Variants in CAPN8 observed in about 807,000 individuals in gnomAD.
CAPN8 encodes calpain-8.
In CAPN8, 87 loss-of-function variants were observed where a neutral mutation model predicts 80.9. The ratio of observed to expected loss-of-function variants is 1.07; its 90% CI spans 0.90 to 1.28. CAPN8 has a LOEUF of 1.28. Ranked by LOEUF, CAPN8 falls within the 50% of genes most tolerant of loss-of-function variation. The pLI, the probability that CAPN8 is intolerant of heterozygous loss-of-function variation, is 0.00. For missense variants in CAPN8, 757 were observed against 702.0 expected (o/e 1.08, Z -0.89); for synonymous variants, 299 against 273.8 (o/e 1.09, Z -0.91).
At chr1:223,557,037 G>T (rs1656921207) in intron 13 of CAPN8, among the ~76,000 whole-genome samples, 1 of 152,164 alleles carries the variant, frequency 6.6e-6, no homozygotes, top group African/African-American at 2.4e-5. Flanking sequence ...CGAGGCAGGG[G>T]GCGCTATTGA....
At chr1:223,633,759 C>T (rs193123372) in intron 2 of CAPN8, among the ~76,000 whole-genome samples, 3 of 152,290 alleles carry the variant, frequency 2.0e-5, no homozygotes, top group African/African-American at 7.2e-5. Context: ...TCCCTTTACA[C>T]ATTAAAATCA....
intron 14 of CAPN8, among the ~76,000 whole-genome samples, chr1:223,552,382 G>A (rs1386652902): frequency 6.6e-6 from 1 of 152,010 alleles, no homozygotes; most frequent in East Asian, 1.9e-4. Context: ...TGGCCAATAT[G>A]GCGAAACCCT....
intron 15 of CAPN8, chr1:223,549,710 C>T (rs568273724): frequency 2.8e-5 from 13 of 472,138 alleles, no homozygotes; most frequent in African/African-American, 2.3e-4. Context: ...ATGATAGTAA[C>T]AATGACCATA....
chr1:223,609,806 A>G (rs1219720866), intron 11 of CAPN8, among the ~76,000 whole-genome samples: 1 of 152,210 alleles, frequency 6.6e-6, no homozygotes, highest in Admixed American at 6.5e-5. Context: ...CTGCCACAAA[A>G]ACTTGTTCAC....
At chr1:223,634,990 A>G (rs972805687) in intron 2 of CAPN8, among the ~76,000 whole-genome samples, 2 of 152,232 alleles carry the variant, frequency 1.3e-5, no homozygotes, top group South Asian at 2.1e-4. Context: ...TTTCCCTCCC[A>G]CTCATGGTCC....
At chr1:223,543,239 CTGTCTA>C (rs1656519999) in intron 19 of CAPN8, 73 bp from the exon 20 acceptor site, 2 of 1,500,720 alleles carry the variant, frequency 1.3e-6, no homozygotes, top group African/African-American at 2.8e-5. Context: ...AGAGCTGCCT[CTGTCTA>C]CCCCATCCCC....
intron 18 of CAPN8, 69 bp downstream of exon 18, chr1:223,544,703 T>C (rs962004769): frequency 1.3e-6 from 2 of 1,539,454 alleles, no homozygotes; most frequent in Non-Finnish European, 1.8e-6. Flanking sequence ...GCAATCATCA[T>C]CATGAGAATA....
intron 1 of CAPN8, among the ~76,000 whole-genome samples, chr1:223,658,254 C>T (rs1658550447): frequency 6.6e-6 from 1 of 152,288 alleles, no homozygotes; most frequent in Non-Finnish European, 1.5e-5. Flanking sequence ...AGATTCATAT[C>T]TAATAGGCCT....
In CAPN8 at chr1:223,622,863, A is replaced by C. The variant is rs772367673; in HGVS notation, c.851T>G (p.Leu284Arg). 6.4e-7 allele frequency: 1 copy of C among 1,551,636 alleles called. No homozygotes were observed. Among genetic ancestry groups the C allele is most frequent in the Non-Finnish European group, 8.7e-7 (1 of 1,147,008 alleles). Residue 284 changes from leucine to arginine, a missense_variant, in exon 7 of 21, where the codon CTC (leucine) becomes CGC (arginine). Transcript: ENST00000366872. ...FQGHPEKLIR[L>R]RNPWGEVEWS... The stretch of plus-strand genomic sequence containing the variant: ...CTCCACTTCACCCCATGGATTCCTG[A>C]GTCTGATCAGCTTCTCTGGATGGCC...
chr1:223,651,642 G>A (rs138470638), intron 2 of CAPN8, among the ~76,000 whole-genome samples: 44 of 152,296 alleles, frequency 2.9e-4, no homozygotes, highest in Admixed American at 2.5e-3. Context: ...TATGAAGTGC[G>A]AACAAGGAGA....
chr1:223,546,942 C>T (rs912456330), intron 16 of CAPN8, among the ~76,000 whole-genome samples: 1 of 151,338 alleles, frequency 6.6e-6, no homozygotes, highest in Admixed American at 6.6e-5. Flanking sequence ...GAGACAGAGT[C>T]TCACTCTCTC....
chr1:223,631,082 C>T (rs1035663794), intron 2 of CAPN8, among the ~76,000 whole-genome samples: 1 of 152,162 alleles, frequency 6.6e-6, no homozygotes, highest in Non-Finnish European at 1.5e-5. Flanking sequence ...ACACTCTCCG[C>T]TATGAATCTA....
chr1:223,629,141 G>A (rs949235121), intron 2 of CAPN8, among the ~76,000 whole-genome samples: 1 of 151,758 alleles, frequency 6.6e-6, no homozygotes, highest in Admixed American at 6.6e-5. Context: ...CTCTGATTAA[G>A]TTGGTTGAGG....
At chr1:223,664,642 T>G (rs2102743851) in intron 1 of CAPN8, among the ~76,000 whole-genome samples, 2 of 152,320 alleles carry the variant, frequency 1.3e-5, no homozygotes, top group Middle Eastern at 6.8e-3. Flanking sequence ...TCACCATCTC[T>G]GAACAAGAGT....
In CAPN8 at chr1:223,642,288, G is replaced by T. The variant is rs1000893644; in HGVS notation, c.307+12042C>A. Among the ~76,000 whole-genome samples the T allele has an allele frequency of 1.0e-4, 15 of 145,558 alleles. 1 individual carries two copies. Among genetic ancestry groups the T allele is most frequent in the Admixed American group, 6.3e-4 (9 of 14,394 alleles). ...TTTCGAAGATTAGCCCCAAGCACTG[G>T]TGTTTTTCTGAACAATGGTAACGTG... is the stretch of plus-strand genomic sequence containing the variant. On this transcript the variant is annotated intron_variant, in intron 2 of 20. Transcript: ENST00000366872.
chr1:223,650,585 AAT>A (rs1320688290), intron 2 of CAPN8, among the ~76,000 whole-genome samples: 2 of 152,192 alleles, frequency 1.3e-5, no homozygotes, highest in Non-Finnish European at 2.9e-5. Flanking sequence ...CATGGAAGAG[AAT>A]GAAGCCAACC....
rs1055390796 is a variant in CAPN8, at chr1:223,657,649, C to A, written c.238-3250G>T. ...AGGCGTGGTGGTGAGTGCCTGTAGTCCCAGCTACTCAGGAGGCTGAAGCAA... is the reference window on the plus strand; with the variant it reads ...AGGCGTGGTGGTGAGTGCCTGTAGTACCAGCTACTCAGGAGGCTGAAGCAA... On this transcript the variant is annotated intron_variant, in intron 1 of 20. Transcript: ENST00000366872. 3.9e-5 allele frequency among the ~76,000 whole-genome samples: 6 copies of A among 152,236 alleles called. No homozygotes were observed. In the South Asian group the frequency reaches 1.2e-3, roughly 32 times the overall value.
intron 9 of CAPN8, chr1:223,618,060 T>G: frequency 1.9e-5 from 12 of 629,328 alleles, no homozygotes; most frequent in Non-Finnish European, 3.3e-5. Context: ...AGCCCTGCAG[T>G]GAGCTCTGTC....
chr1:223,619,497 T>A, intron 8 of CAPN8, 44 bp from the exon 9 acceptor site: 1 of 1,549,100 alleles, frequency 6.5e-7, no homozygotes, highest in Non-Finnish European at 8.7e-7. Context: ...GAGGGCTGGG[T>A]TGTGATTAAA....
Sources: allele counts gnomAD v4.1 joint callset (sites outside exome capture counted in the v4.1 genomes callset), GRCh38; gene constraint gnomAD v4.1.1; transcripts MANE v1.5; gene names NCBI Gene and HGNC (gene_info 2026-07-23, HGNC 2026-07-21).